Variants in COL8A1 observed in about 807,000 individuals in gnomAD.
COL8A1 encodes the protein collagen alpha-1(VIII) chain.
Under a neutral mutation model 42.7 loss-of-function variants are expected in COL8A1, and 21 were observed. That is an observed-to-expected ratio of 0.49 (90% CI 0.35 to 0.71). COL8A1 has a LOEUF of 0.71. COL8A1 is among the 30% of genes least tolerant of loss of function. The pLI is 0.01. For missense variants in COL8A1, 788 were observed against 962.4 expected, an observed-to-expected ratio of 0.82 and a Z score of 2.40; for synonymous variants, 367 against 369.1, an observed-to-expected ratio of 0.99 and a Z score of 0.06.
chr3:99,664,360 G>A (rs1206169059), intron 1 of COL8A1, among the ~76,000 whole-genome samples: 1 of 152,060 alleles, frequency 6.6e-6, no homozygotes, highest in African/African-American at 2.4e-5. Flanking sequence ...GCTCTACTAA[G>A]CCATCTTTTG....
intron 1 of COL8A1, among the ~76,000 whole-genome samples, chr3:99,643,266 T>A (rs1460386367): frequency 6.6e-6 from 1 of 152,178 alleles, no homozygotes. Flanking sequence ...TCAGAAACCA[T>A]AGCTTGGTAG....
At chr3:99,654,247 T>A (rs1019496747) in intron 1 of COL8A1, among the ~76,000 whole-genome samples, 1 of 152,176 alleles carries the variant, frequency 6.6e-6, no homozygotes, top group Non-Finnish European at 1.5e-5. Flanking sequence ...CCCACCCAGA[T>A]TGAGGGTGGA....
rs765891663 is a variant in COL8A1 at position 99,790,855 on chromosome 3, T to C, written c.173T>C (p.Val58Ala). Residue 58 changes from valine to alanine, a missense_variant, in exon 3 of 4, where the codon GTA becomes GCA. Physicochemically the swap from Val to Ala is moderately conservative, Grantham distance 64. Transcript: ENST00000652472. ...IPQYQPLGQQ[V>A]PHMPLAKDGL... The stretch of plus-strand genomic sequence containing the variant: ...CAATACCAGCCCCTGGGTCAGCAAG[T>C]ACCTCACATGCCTTTGGCCAAAGAT... 333 of 1,614,124 alleles carry C rather than the reference T, an allele frequency of 2.1e-4. No homozygotes were observed. The highest frequency in any genetic ancestry group is 3.1e-5 in the Non-Finnish European group (36 of 1,180,050).
intron 1 of COL8A1, among the ~76,000 whole-genome samples, chr3:99,698,767 A>C (rs186927320): frequency 5.9e-5 from 9 of 152,328 alleles, no homozygotes; most frequent in African/African-American, 2.2e-4. Flanking sequence ...TGTCTTTCCT[A>C]TTAGAATGTA....
Position 99,794,820 on chromosome 3 carries a change from C to G in COL8A1, c.919C>G (p.Gln307Glu), listed in dbSNP as rs1435463554. The G allele has an allele frequency of 6.8e-6, 11 of 1,611,868 alleles. No homozygotes were observed. Among genetic ancestry groups the G allele is most frequent in the Non-Finnish European group, 9.3e-6 (11 of 1,178,948 alleles). The stretch of plus-strand genomic sequence containing the variant: ...AGGCCCTATTGGGGTACCGGGGGTT[C>G]AAGGACCTCCTGGGATACCCGGAAT... ...PQGPIGVPGV[Q>E]GPPGIPGIGK... The change falls in exon 4 of 4, where the codon CAA becomes GAA. Residue 307 changes from glutamine to glutamate, a missense_variant. Physicochemically the swap from Gln to Glu is conservative, Grantham distance 29. Around this residue, in one of 4 missense-constraint regions of COL8A1, gnomAD observed 421 missense variants for 553.1 expected, o/e 0.76. Coordinates refer to ENST00000652472, the MANE Select transcript of COL8A1 (RefSeq NM_020351.4). The surrounding 1 kb of genome is among the most constrained non-coding windows in gnomAD (Gnocchi z 4.3).
At chr3:99,717,693 G>A (rs1940038001) in intron 1 of COL8A1, among the ~76,000 whole-genome samples, 1 of 151,834 alleles carries the variant, frequency 6.6e-6, no homozygotes, top group Admixed American at 6.6e-5. Flanking sequence ...CCCCAATTAG[G>A]TATATAACTT....
At chr3:99,713,016 G>A (rs1382202951) in intron 1 of COL8A1, among the ~76,000 whole-genome samples, 3 of 152,156 alleles carry the variant, frequency 2.0e-5, no homozygotes, top group Admixed American at 6.6e-5. Flanking sequence ...TGTGCAATGT[G>A]AGCAAGGTGG....
At chr3:99,713,026 GA>G (rs1484994279) in intron 1 of COL8A1, among the ~76,000 whole-genome samples, 1 of 152,112 alleles carries the variant, frequency 6.6e-6, no homozygotes, top group Non-Finnish European at 1.5e-5. Context: ...GAGCAAGGTG[GA>G]AAAGAGTAAC....
At position 99,769,191 on chromosome 3, in the gene COL8A1, T is replaced by A. The variant is rs190118458; in HGVS notation, c.-3-21489T>A. ...TTGACAACTCTTCATAGTAGTGTTG[T>A]CACAATTAAATAAGATGATGTATGT... On this transcript the variant is annotated intron_variant, in intron 2 of 3. Coordinates refer to ENST00000652472, the MANE Select transcript of COL8A1 (RefSeq NM_020351.4). Among the ~76,000 whole-genome samples, 8 of 152,312 alleles carry A rather than the reference T, an allele frequency of 5.3e-5. No individual in the cohort carries two copies. The East Asian group carries it at 1.5e-3, about 29-fold the overall frequency.
chr3:99,776,002 G>A (rs760991790), intron 2 of COL8A1, among the ~76,000 whole-genome samples: 5 of 152,120 alleles, frequency 3.3e-5, no homozygotes, highest in Non-Finnish European at 5.9e-5. Flanking sequence ...AGAAATTTCA[G>A]GCACACAGCA....
intron 2 of COL8A1, 93 bp downstream of exon 2, chr3:99,745,114 G>A (rs1170898359): frequency 4.6e-5 from 7 of 152,248 alleles, no homozygotes; most frequent in Admixed American, 4.6e-4. Flanking sequence ...AGGGCCCTTG[G>A]CAGATGCTCA....
intron 2 of COL8A1, among the ~76,000 whole-genome samples, chr3:99,756,405 C>T (rs1442954957): frequency 4.3e-4 from 66 of 152,006 alleles, no homozygotes; most frequent in Admixed American, 4.3e-3. Flanking sequence ...GACCATGGTC[C>T]TGATATGATG....
At chr3:99,719,984 A>T (rs181539940) in intron 1 of COL8A1, among the ~76,000 whole-genome samples, 2 of 152,222 alleles carry the variant, frequency 1.3e-5, no homozygotes, top group East Asian at 3.9e-4. Context: ...TCATTTGCAT[A>T]TTGGTAAATT....
At chr3:99,740,139 C>T (rs143293287) in intron 1 of COL8A1, among the ~76,000 whole-genome samples, 1 of 152,152 alleles carries the variant, frequency 6.6e-6, no homozygotes, top group African/African-American at 2.4e-5. Context: ...TCAGCCTGGA[C>T]TTCATTATCC....
chr3:99,655,646 T>C (rs1937994243), intron 1 of COL8A1, among the ~76,000 whole-genome samples: 1 of 152,262 alleles, frequency 6.6e-6, no homozygotes, highest in Admixed American at 6.5e-5. Flanking sequence ...TTCTAACTTT[T>C]GACAATTTCA....
intron 1 of COL8A1, among the ~76,000 whole-genome samples, chr3:99,639,656 A>G (rs1937465555): frequency 6.6e-6 from 1 of 152,236 alleles, no homozygotes; most frequent in Admixed American, 6.5e-5. Context: ...CACCTGTGAA[A>G]GGAAAAACAT....
At chr3:99,782,832 G>C (rs551638591) in intron 2 of COL8A1, among the ~76,000 whole-genome samples, 2 of 152,276 alleles carry the variant, frequency 1.3e-5, no homozygotes, top group South Asian at 4.1e-4. Flanking sequence ...AGTCAGAATA[G>C]GTGACTTACT....
At chr3:99,743,893 T>C (rs1197989409) in intron 1 of COL8A1, among the ~76,000 whole-genome samples, 1 of 152,124 alleles carries the variant, frequency 6.6e-6, no homozygotes, top group Non-Finnish European at 1.5e-5. Flanking sequence ...AAGTTGTTCC[T>C]CTTAAAATAT....
At chr3:99,693,516 T>G (rs548861308) in intron 1 of COL8A1, among the ~76,000 whole-genome samples, 4 of 152,170 alleles carry the variant, frequency 2.6e-5, no homozygotes, top group Admixed American at 2.6e-4. Context: ...GGCCAATGTG[T>G]GTGTTTGTGT....
Sources: gnomAD v4.1 joint callset for allele counts (sites outside exome capture counted in the v4.1 genomes callset) on GRCh38, gnomAD v4.1.1 for gene constraint, gnomAD v4.1.1 regional missense constraint, Gnocchi (gnomAD v3.1) non-coding constraint, MANE v1.5 for transcripts, NCBI Gene and HGNC (gene_info 2026-07-23, HGNC 2026-07-21) for gene names.